LRP1B: variants seen among roughly 807,000 people sequenced by gnomAD.
The protein encoded by LRP1B is low-density lipoprotein receptor-related protein 1B.
A neutral mutation model predicts 556.6 loss-of-function variants in LRP1B; 217 were observed. The ratio of observed to expected loss-of-function variants is 0.39; its 90% CI spans 0.35 to 0.44. The LOEUF is 0.44. Ranked by LOEUF, LRP1B falls within the 20% of genes least tolerant of loss-of-function variation. The probability of loss-of-function intolerance (pLI) is 1.00; values close to 1 mark genes in which losing one functional copy is unlikely to be tolerated. For synonymous variants in LRP1B, 2,047 were observed against 1,865.8 expected, an observed-to-expected ratio of 1.10 and a Z score of -2.50; for missense variants, 5,053 against 5,620.8, an observed-to-expected ratio of 0.90 and a Z score of 3.23.
chr2:141,069,641 A>T (rs1196531991), intron 7 of LRP1B, among the ~76,000 whole-genome samples: 2 of 152,058 alleles, frequency 1.3e-5, no homozygotes, highest in Non-Finnish European at 1.5e-5. Flanking sequence ...CCGTGGCTAC[A>T]CTTTACTGCA....
intron 83 of LRP1B, among the ~76,000 whole-genome samples, chr2:140,303,794 C>T (rs686580): frequency 0.11 from 14,585 of 132,362 alleles, 1,278 homozygotes; most frequent in African/African-American, 0.24. Context: ...ATCTCCTAAT[C>T]CTATCCCTCC....
chr2:140,434,207 T>C (rs548938998), intron 66 of LRP1B, among the ~76,000 whole-genome samples: 1 of 152,154 alleles, frequency 6.6e-6, no homozygotes, highest in East Asian at 1.9e-4. Context: ...GTAGCTGGGA[T>C]TGCAGGCAAG....
intron 20 of LRP1B, among the ~76,000 whole-genome samples, chr2:140,939,509 T>G (rs1007060392): frequency 6.1e-5 from 9 of 148,042 alleles, no homozygotes; most frequent in African/African-American, 2.2e-4. Flanking sequence ...AATATAAAAT[T>G]ATATTATAAA....
chr2:141,543,840 C>T (rs997621382), intron 2 of LRP1B, among the ~76,000 whole-genome samples: 1 of 151,880 alleles, frequency 6.6e-6, no homozygotes, highest in African/African-American at 2.4e-5. Flanking sequence ...TCCAGGAATA[C>T]TGAGATGAGG....
In LRP1B at chr2:141,624,919, G is replaced by A. The variant is rs185020201; in HGVS notation, c.206-144386C>T. ...CAAGTAGCTGGGACTACAGGCGCCC[G>A]CCACCACGCCCGGCTAATTTTTTGT... On this transcript the variant is annotated intron_variant, in intron 2 of 90. Transcript: ENST00000389484. 5.0e-3 allele frequency among the ~76,000 whole-genome samples: 754 copies of A among 152,080 alleles called. 11 individuals carry two copies. Among genetic ancestry groups the A allele is most frequent in the African/African-American group, 0.017 (707 of 41,484 alleles).
At chr2:140,491,833 T>C (rs1688713780) in intron 57 of LRP1B, among the ~76,000 whole-genome samples, 1 of 152,144 alleles carries the variant, frequency 6.6e-6, no homozygotes, top group Admixed American at 6.6e-5. Flanking sequence ...TAGTGTGATA[T>C]GGTGGATGTT....
intron 7 of LRP1B, among the ~76,000 whole-genome samples, chr2:141,083,451 C>G (rs1699974364): frequency 6.6e-6 from 1 of 150,976 alleles, no homozygotes; most frequent in South Asian, 2.1e-4. Context: ...AAAGTTTTTA[C>G]TTTACCCTAA....
chr2:140,350,761 G>A (rs776564143), intron 77 of LRP1B, 36 bp downstream of exon 77: 22 of 1,595,140 alleles, frequency 1.4e-5, no homozygotes, highest in Admixed American at 1.8e-5. Flanking sequence ...TGGGGAAAAG[G>A]TATGGACTTT....
At chr2:140,886,484 G>C (rs564472167) in intron 23 of LRP1B, 149 bp from the exon 24 acceptor site, 56 of 538,998 alleles carry the variant, frequency 1.0e-4, no homozygotes, top group African/African-American at 8.2e-4. Context: ...AAATTTAACA[G>C]AAACTTGCAA....
chr2:141,591,172 C>T (rs917684423), intron 2 of LRP1B, among the ~76,000 whole-genome samples: 9 of 152,084 alleles, frequency 5.9e-5, no homozygotes, highest in African/African-American at 2.2e-4. Flanking sequence ...ATGCACTTTG[C>T]CCATTTTCAC....
intron 22 of LRP1B, among the ~76,000 whole-genome samples, chr2:140,905,221 C>G (rs187038496): frequency 5.3e-5 from 8 of 151,968 alleles, no homozygotes; most frequent in African/African-American, 1.9e-4. Context: ...TCACCTCCAC[C>G]GCCCCCCTCC....
At chr2:140,831,335 G>C (rs1284889023) in intron 31 of LRP1B, among the ~76,000 whole-genome samples, 5 of 152,062 alleles carry the variant, frequency 3.3e-5, no homozygotes, top group African/African-American at 1.2e-4. Flanking sequence ...ATAGAGAACA[G>C]TGGAACACGC....
chr2:140,797,467 G>T (rs1041361749), intron 32 of LRP1B, among the ~76,000 whole-genome samples: 1 of 151,824 alleles, frequency 6.6e-6, no homozygotes, highest in African/African-American at 2.4e-5. Flanking sequence ...AACTATAACA[G>T]CTTGAAATAT....
At chr2:140,777,431 C>A (rs1461247794) in intron 32 of LRP1B, among the ~76,000 whole-genome samples, 5 of 152,160 alleles carry the variant, frequency 3.3e-5, no homozygotes, top group African/African-American at 1.2e-4. Flanking sequence ...CAAATCCTGG[C>A]CCCCAGGTCC....
At chr2:141,225,715 TCCC>T (rs1553479036) in intron 6 of LRP1B, among the ~76,000 whole-genome samples, 2 of 152,096 alleles carry the variant, frequency 1.3e-5, no homozygotes. Flanking sequence ...GTCTATCATT[TCCC>T]CCCAAGGTTC....
chr2:140,866,544 C>G (rs1038498650), intron 27 of LRP1B, among the ~76,000 whole-genome samples: 1 of 151,994 alleles, frequency 6.6e-6, no homozygotes, highest in Non-Finnish European at 1.5e-5. Flanking sequence ...TGTATAGAAA[C>G]TCCCATGTAG....
chr2:140,553,587 C>A (rs1680624614), intron 43 of LRP1B, among the ~76,000 whole-genome samples: 1 of 152,052 alleles, frequency 6.6e-6, no homozygotes, highest in Non-Finnish European at 1.5e-5. Context: ...TTACTCTGAG[C>A]TTCTCAGTAT....
chr2:141,565,894 A>T (rs1490340771), intron 2 of LRP1B, among the ~76,000 whole-genome samples: 1 of 152,106 alleles, frequency 6.6e-6, no homozygotes, highest in Non-Finnish European at 1.5e-5. Flanking sequence ...TATAACTAAC[A>T]TTATTGAGCA....
At chr2:141,132,466 T>C (rs978340678) in intron 7 of LRP1B, among the ~76,000 whole-genome samples, 5 of 152,028 alleles carry the variant, frequency 3.3e-5, no homozygotes, top group African/African-American at 9.7e-5. Context: ...CCTAACTGCA[T>C]GCTCTTGAAC....
Sources: allele counts gnomAD v4.1 joint callset (sites outside exome capture counted in the v4.1 genomes callset), GRCh38; gene constraint gnomAD v4.1.1; transcripts MANE v1.5; gene names NCBI Gene and HGNC (gene_info 2026-07-23, HGNC 2026-07-21).